AKAP19: variants seen among roughly 807,000 people sequenced by gnomAD.
AKAP19 encodes the protein A-kinase anchoring protein 19.
the AKAP19 span, among the ~76,000 whole-genome samples, chr2:189,991,942 G>T: frequency 6.6e-6 from 1 of 151,760 alleles, no homozygotes; most frequent in Admixed American, 6.6e-5. Context: ...AGCACCATTT[G>T]TTGAATAGGG....
the AKAP19 span, among the ~76,000 whole-genome samples, chr2:189,941,994 C>T: frequency 2.6e-4 from 39 of 151,964 alleles, no homozygotes; most frequent in African/African-American, 9.2e-4. Flanking sequence ...AACTGGAAAC[C>T]AAAAAAGAGC....
chr2:190,201,052 G>C, the AKAP19 span: 1 of 150,746 alleles, frequency 6.6e-6, no homozygotes, highest in African/African-American at 2.8e-5. Flanking sequence ...CATTAAAATA[G>C]ACCAGATAAT....
the AKAP19 span, among the ~76,000 whole-genome samples, chr2:190,153,037 A>G: frequency 2.6e-5 from 4 of 152,006 alleles, no homozygotes; most frequent in Non-Finnish European, 5.9e-5. Context: ...CTGGGACTAC[A>G]GGTGTCCACC....
At chr2:189,949,739 C>G in the AKAP19 span, among the ~76,000 whole-genome samples, 23,020 of 147,758 alleles carry the variant, frequency 0.16, 1,845 homozygotes, top group Middle Eastern at 0.26. Context: ...TAAAGTGATT[C>G]TCCTGCCTCA....
chr2:190,068,623 C>T, the AKAP19 span, among the ~76,000 whole-genome samples: 1 of 152,330 alleles, frequency 6.6e-6, no homozygotes, highest in East Asian at 1.9e-4. Flanking sequence ...ACGTGAGCCA[C>T]TGCACCTGGC....
At chr2:190,041,693 A>G in the AKAP19 span, among the ~76,000 whole-genome samples, 1 of 152,182 alleles carries the variant, frequency 6.6e-6, no homozygotes, top group East Asian at 1.9e-4. Flanking sequence ...TGTTCCTTCA[A>G]TACCTAATTT....
chr2:190,049,465 T>C, the AKAP19 span, among the ~76,000 whole-genome samples: 17 of 152,360 alleles, frequency 1.1e-4, no homozygotes, highest in African/African-American at 4.1e-4. Context: ...GCAAATTGTA[T>C]TGATTAAAAT....
the AKAP19 span, among the ~76,000 whole-genome samples, chr2:190,149,453 T>C: frequency 6.6e-6 from 1 of 152,330 alleles, no homozygotes; most frequent in East Asian, 1.9e-4. Context: ...TTGATGTCGG[T>C]GCTTAGGGCT....
chr2:190,034,637 G>A, the AKAP19 span, among the ~76,000 whole-genome samples: 1 of 151,046 alleles, frequency 6.6e-6, no homozygotes, highest in Non-Finnish European at 1.5e-5. Flanking sequence ...TTGAGGCCAG[G>A]AGTTGGAGAC....
the AKAP19 span, chr2:190,202,579 A>G: frequency 6.0e-6 from 1 of 167,020 alleles, no homozygotes; most frequent in Non-Finnish European, 1.5e-5. Flanking sequence ...CTTTATATTG[A>G]AATATGGGCT....
At chr2:190,003,759 C>T in the AKAP19 span, among the ~76,000 whole-genome samples, 15 of 151,884 alleles carry the variant, frequency 9.9e-5, no homozygotes, top group Non-Finnish European at 1.5e-4. Flanking sequence ...AGCTACTGCT[C>T]GGGAGGCTAA....
the AKAP19 span, among the ~76,000 whole-genome samples, chr2:190,079,069 C>G: frequency 6.6e-6 from 1 of 152,144 alleles, no homozygotes; most frequent in Non-Finnish European, 1.5e-5. Flanking sequence ...TGACTTTTAA[C>G]ATTAATTTTC....
At chr2:190,168,534 G>A in the AKAP19 span, among the ~76,000 whole-genome samples, 5 of 151,736 alleles carry the variant, frequency 3.3e-5, no homozygotes, top group East Asian at 1.9e-4. Context: ...CTTTTCTATC[G>A]CATTGTCAGG....
the AKAP19 span, among the ~76,000 whole-genome samples, chr2:189,983,148 A>C: frequency 4.6e-5 from 7 of 152,202 alleles, no homozygotes; most frequent in African/African-American, 1.7e-4. Flanking sequence ...CTGAGCCAGC[A>C]GGAACCTAAT....
At chr2:190,185,250 G>T in the AKAP19 span, among the ~76,000 whole-genome samples, 1 of 152,180 alleles carries the variant, frequency 6.6e-6, no homozygotes, top group Non-Finnish European at 1.5e-5. Flanking sequence ...TGAATTTGTA[G>T]GGGAGGAAAA....
At chr2:189,970,351 C>G in the AKAP19 span, among the ~76,000 whole-genome samples, 183 of 152,264 alleles carry the variant, frequency 1.2e-3, 2 homozygotes, top group Middle Eastern at 0.01. Context: ...TCAATCACTT[C>G]TCTAGGAGTT....
the AKAP19 span, among the ~76,000 whole-genome samples, chr2:189,954,752 G>A: frequency 6.6e-6 from 1 of 152,022 alleles, no homozygotes; most frequent in Non-Finnish European, 1.5e-5. Context: ...CAGTTTTATT[G>A]ACCATCAGTG....
the AKAP19 span, among the ~76,000 whole-genome samples, chr2:190,081,106 G>C: frequency 6.6e-6 from 1 of 152,144 alleles, no homozygotes; most frequent in Non-Finnish European, 1.5e-5. Context: ...GAATGGCCCT[G>C]CAAGGTTGTC....
At chr2:189,912,650 G>A in the AKAP19 span, among the ~76,000 whole-genome samples, 1 of 152,186 alleles carries the variant, frequency 6.6e-6, no homozygotes, top group Non-Finnish European at 1.5e-5. Context: ...GATGTATCAT[G>A]TGATTTATTA....
Sources: allele counts gnomAD v4.1 joint callset (sites outside exome capture counted in the v4.1 genomes callset), GRCh38; gene constraint gnomAD v4.1.1; transcripts MANE v1.5; gene names NCBI Gene and HGNC (gene_info 2026-07-23, HGNC 2026-07-21).